TOX: variants seen among roughly 807,000 people sequenced by gnomAD.
The protein encoded by TOX is thymocyte selection associated high mobility group box.
Under a neutral mutation model 53.7 loss-of-function variants are expected in TOX, and 11 were observed. The observed-to-expected ratio is 0.20, with a 90% CI of 0.13 to 0.34. TOX has a LOEUF of 0.34. TOX is among the 10% of genes least tolerant of loss of function. The pLI, the probability that TOX is intolerant of heterozygous loss-of-function variation, is 1.00. For synonymous variants in TOX, 225 were observed against 245.3 expected, an observed-to-expected ratio of 0.92 and a Z score of 0.77; for missense variants, 570 against 664.6, an observed-to-expected ratio of 0.86 and a Z score of 1.56.
chr8:58,932,142 G>T (rs77156712), intron 3 of TOX, among the ~76,000 whole-genome samples: 1 of 151,718 alleles, frequency 6.6e-6, no homozygotes, highest in Non-Finnish European at 1.5e-5. Context: ...TGTCCAAAAA[G>T]GAAAAAACCC....
chr8:58,811,058 A>C (rs1446272833), intron 7 of TOX, among the ~76,000 whole-genome samples: 4 of 152,338 alleles, frequency 2.6e-5, no homozygotes, highest in Non-Finnish European at 5.9e-5. Flanking sequence ...AGAAACATAC[A>C]AGCAAAGCCT....
At chr8:59,044,895 C>A (rs1036411349) in intron 1 of TOX, among the ~76,000 whole-genome samples, 3 of 152,180 alleles carry the variant, frequency 2.0e-5, no homozygotes, top group Admixed American at 2.0e-4. Context: ...TATGAATAAT[C>A]GGCTACACAC....
At chr8:59,061,045 T>C (rs148550906) in intron 1 of TOX, among the ~76,000 whole-genome samples, 28 of 152,308 alleles carry the variant, frequency 1.8e-4, no homozygotes, top group Non-Finnish European at 3.4e-4. Context: ...CTGCATCTTT[T>C]AGAGTTACTG....
chr8:58,961,181 G>C (rs1057352892), intron 1 of TOX, among the ~76,000 whole-genome samples: 7 of 151,998 alleles, frequency 4.6e-5, no homozygotes, highest in African/African-American at 1.7e-4. Context: ...CCAACATGAG[G>C]GTCGCTCACA....
chr8:58,872,446 G>A (rs1563375884), intron 3 of TOX, among the ~76,000 whole-genome samples: 4 of 152,052 alleles, frequency 2.6e-5, no homozygotes, highest in Middle Eastern at 3.4e-3. Flanking sequence ...ATTTCAAAGA[G>A]TATAGTAGGG....
At chr8:58,970,045 C>T (rs1337220185) in intron 1 of TOX, among the ~76,000 whole-genome samples, 1 of 152,128 alleles carries the variant, frequency 6.6e-6, no homozygotes, top group Non-Finnish European at 1.5e-5. Flanking sequence ...CATTAATATA[C>T]TCCTAGATAA....
At chr8:58,912,132 C>A (rs1811919783) in intron 3 of TOX, among the ~76,000 whole-genome samples, 1 of 152,206 alleles carries the variant, frequency 6.6e-6, no homozygotes, top group African/African-American at 2.4e-5. Flanking sequence ...GGTTATAGAA[C>A]TTTATCCTAT....
intron 5 of TOX, among the ~76,000 whole-genome samples, chr8:58,828,982 A>T (rs1284812733): frequency 6.6e-6 from 1 of 152,108 alleles, no homozygotes; most frequent in African/African-American, 2.4e-5. Flanking sequence ...ACTCCAAGTG[A>T]CTCCCATTCA....
chr8:58,852,179 C>T (rs887306616), intron 3 of TOX, among the ~76,000 whole-genome samples: 1 of 152,052 alleles, frequency 6.6e-6, no homozygotes, highest in Admixed American at 6.6e-5. Flanking sequence ...TGTTGATGCT[C>T]ATTAGAGTGT....
intron 1 of TOX, among the ~76,000 whole-genome samples, chr8:58,976,888 A>G (rs1410242736): frequency 6.6e-6 from 1 of 152,240 alleles, no homozygotes; most frequent in Non-Finnish European, 1.5e-5. Flanking sequence ...AATATTCAGC[A>G]AACCATGCTG....
chr8:58,909,376 C>A (rs1811871853), intron 3 of TOX, among the ~76,000 whole-genome samples: 1 of 152,082 alleles, frequency 6.6e-6, no homozygotes, highest in Non-Finnish European at 1.5e-5. Context: ...AAATTAAAAA[C>A]AAATAAATAA....
intron 3 of TOX, among the ~76,000 whole-genome samples, chr8:58,865,704 T>C (rs1811085064): frequency 6.6e-6 from 1 of 152,092 alleles, no homozygotes; most frequent in African/African-American, 2.4e-5. Flanking sequence ...GTCAGCTAAT[T>C]GAGAGTATTG....
chr8:58,924,108 AT>A (rs111399972), intron 3 of TOX, among the ~76,000 whole-genome samples: 1,975 of 152,338 alleles, frequency 0.013, 57 homozygotes, highest in African/African-American at 0.046. Flanking sequence ...TACTACAGTA[AT>A]TTCGGCTGTG....
chr8:58,990,130 A>G (rs1215093675), intron 1 of TOX, among the ~76,000 whole-genome samples: 2 of 152,170 alleles, frequency 1.3e-5, no homozygotes, highest in African/African-American at 4.8e-5. Context: ...ACATAACCAC[A>G]CTATAAGGTG....
Position 59,026,072 on chromosome 8 carries a change from G to A in TOX, c.103-66064C>T, listed in dbSNP as rs551781442. Among the ~76,000 whole-genome samples the A allele has an allele frequency of 8.5e-5, 13 of 152,134 alleles. No individual in the cohort carries two copies. In the South Asian group the frequency reaches 1.0e-3, roughly 12 times the overall value. ...GACCAAGTTTATATGCTCTATCTGC[G>A]CTCATTCAAGGGCATTGACGGGTTC... is the stretch of plus-strand genomic sequence containing the variant. On this transcript the variant is annotated intron_variant, in intron 1 of 8. Transcript: ENST00000361421.
At chr8:58,828,852 C>G (rs1013472310) in intron 5 of TOX, among the ~76,000 whole-genome samples, 31 of 152,144 alleles carry the variant, frequency 2.0e-4, no homozygotes, top group Non-Finnish European at 4.3e-4. Context: ...GAGGGTTTTT[C>G]TCCCATACAG....
At chr8:58,838,399 C>T (rs950428735) in intron 4 of TOX, 88 bp from the exon 5 acceptor site, 3 of 992,026 alleles carry the variant, frequency 3.0e-6, no homozygotes, top group Non-Finnish European at 1.5e-6. Flanking sequence ...GACTTAGACA[C>T]ATACCCATTC....
At chr8:58,853,169 G>T (rs1214928383) in intron 3 of TOX, among the ~76,000 whole-genome samples, 1 of 152,104 alleles carries the variant, frequency 6.6e-6, no homozygotes, top group East Asian at 1.9e-4. Context: ...CACTCCTTTA[G>T]CTCCTTTCCA....
At chr8:58,893,443 A>G (rs994081795) in intron 3 of TOX, among the ~76,000 whole-genome samples, 1 of 152,210 alleles carries the variant, frequency 6.6e-6, no homozygotes, top group Non-Finnish European at 1.5e-5. Context: ...GCACCACATT[A>G]TCTAGTGATA....
Sources: allele counts gnomAD v4.1 joint callset (sites outside exome capture counted in the v4.1 genomes callset), GRCh38; gene constraint gnomAD v4.1.1; transcripts MANE v1.5; gene names NCBI Gene and HGNC (gene_info 2026-07-23, HGNC 2026-07-21).